The following RGL1 variants were observed in gnomAD, a reference collection of about 807,000 sequenced individuals.
The protein encoded by RGL1 is ral guanine nucleotide dissociation stimulator like 1.
Under a neutral mutation model 95.2 loss-of-function variants are expected in RGL1, and 24 were observed. The ratio of observed to expected loss-of-function variants is 0.25; its 90% confidence interval spans 0.18 to 0.35. The LOEUF (loss-of-function observed/expected upper bound fraction) is 0.35, where lower values mean the gene tolerates loss of function less well. Among genes scored for constraint, RGL1 ranks in the 10% least tolerant of loss-of-function variants. The probability of loss-of-function intolerance (pLI) is 1.00; values close to 1 mark genes in which losing one functional copy is unlikely to be tolerated. For missense variants in RGL1, 715 were observed against 936.3 expected (o/e 0.76, Z 3.08); for synonymous variants, 329 against 344.9 (o/e 0.95, Z 0.51).
chr1:183,666,794 G>T (rs1010152060), intron 1 of RGL1, among the ~76,000 whole-genome samples: 1 of 151,966 alleles, frequency 6.6e-6, no homozygotes, highest in African/African-American at 2.4e-5. Flanking sequence ...TTTGGTAAGT[G>T]TTTCCTGTTA....
intron 1 of RGL1, among the ~76,000 whole-genome samples, chr1:183,674,224 T>C (rs1031162792): frequency 1.3e-5 from 2 of 152,168 alleles, no homozygotes; most frequent in Non-Finnish European, 1.5e-5. Flanking sequence ...TAACTTTATA[T>C]GTCATTAAAA....
intron 1 of RGL1, among the ~76,000 whole-genome samples, chr1:183,653,774 A>T (rs1444576565): frequency 6.6e-6 from 1 of 152,132 alleles, no homozygotes; most frequent in South Asian, 2.1e-4. Flanking sequence ...ATTGGTATGT[A>T]TGTGGTTCCC....
At chr1:183,697,247 C>A (rs1017720601) in intron 1 of RGL1, among the ~76,000 whole-genome samples, 1 of 152,170 alleles carries the variant, frequency 6.6e-6, no homozygotes, top group African/African-American at 2.4e-5. Context: ...GATACCTTAT[C>A]AGTGAGGCCT....
intron 5 of RGL1, among the ~76,000 whole-genome samples, chr1:183,883,125 T>C (rs941484874): frequency 6.6e-6 from 1 of 152,310 alleles, no homozygotes; most frequent in African/African-American, 2.4e-5. Context: ...TCTTCTGCTT[T>C]TTATTCGGAA....
intron 3 of RGL1, among the ~76,000 whole-genome samples, chr1:183,855,285 C>G (rs1647401709): frequency 6.6e-6 from 1 of 152,170 alleles, no homozygotes; most frequent in African/African-American, 2.4e-5. Context: ...ACCTTTTCCC[C>G]CCGGGAGCTG....
chr1:183,891,864 C>T (rs1315527566), intron 8 of RGL1, among the ~76,000 whole-genome samples: 1 of 149,406 alleles, frequency 6.7e-6, no homozygotes, highest in Non-Finnish European at 1.5e-5. Flanking sequence ...AAATATACCT[C>T]TCTCCACAGG....
intron 1 of RGL1, among the ~76,000 whole-genome samples, chr1:183,738,427 AAAAG>A (rs1170359299): frequency 2.0e-5 from 3 of 152,128 alleles, no homozygotes; most frequent in South Asian, 4.1e-4. Context: ...TCTAAAAAAA[AAAAG>A]AAAGAAAAAG....
At chr1:183,661,546 T>C (rs1409566954) in intron 1 of RGL1, among the ~76,000 whole-genome samples, 1 of 152,232 alleles carries the variant, frequency 6.6e-6, no homozygotes, top group South Asian at 2.1e-4. Context: ...TAACAGGCTC[T>C]GAAATTGTGG....
At chr1:183,779,158 CCCTTCCTTCCTTCCTTCCTT>C (rs34992555) in intron 2 of RGL1, among the ~76,000 whole-genome samples, 6,066 of 91,836 alleles carry the variant, frequency 0.066, 275 homozygotes, top group Admixed American at 0.15. Context: ...TCAAAATTTT[CCCTTCCTTCCTTCCTTCCTT>C]CCTTCCTTCC....
chr1:183,885,366 A>G (rs1230032397), intron 7 of RGL1, among the ~76,000 whole-genome samples: 1 of 152,200 alleles, frequency 6.6e-6, no homozygotes, highest in African/African-American at 2.4e-5. Flanking sequence ...TGGAGGCATT[A>G]CATCTTCTGC....
intron 3 of RGL1, among the ~76,000 whole-genome samples, chr1:183,857,098 G>A (rs1444056992): frequency 6.6e-6 from 1 of 152,130 alleles, no homozygotes; most frequent in African/African-American, 2.4e-5. Flanking sequence ...TTATCTGAGT[G>A]AGCCCAGAGT....
intron 1 of RGL1, among the ~76,000 whole-genome samples, chr1:183,718,770 G>A (rs1204866381): frequency 2.0e-5 from 3 of 151,936 alleles, no homozygotes; most frequent in African/African-American, 4.8e-5. Flanking sequence ...AAAACTACCC[G>A]GGCATGGTGG....
At chr1:183,845,581 G>A (rs1664365487) in intron 2 of RGL1, among the ~76,000 whole-genome samples, 1 of 152,168 alleles carries the variant, frequency 6.6e-6, no homozygotes, top group African/African-American at 2.4e-5. Flanking sequence ...TTTCCAGAAG[G>A]CAGGGTCATA....
In RGL1 at chr1:183,916,984, A is replaced by G. The variant is rs796687209; in HGVS notation, c.2004+283A>G. 9.8e-5 allele frequency among the ~76,000 whole-genome samples: 15 copies of G among 152,346 alleles called. 1 individual carries two copies. Among genetic ancestry groups the G allele is most frequent in the African/African-American group, 3.6e-4 (15 of 41,576 alleles). Reference sequence around the variant, plus strand: ...ATGCTAAAACTTATTCGTTTAGGTCAGTATTAGCCATTTGAAAATTCTCAA... The same window carrying G: ...ATGCTAAAACTTATTCGTTTAGGTCGGTATTAGCCATTTGAAAATTCTCAA... On this transcript the variant is annotated intron_variant, in intron 16 of 17. Transcript: ENST00000360851.
At chr1:183,844,654 A>C (rs138721411) in intron 2 of RGL1, among the ~76,000 whole-genome samples, 5 of 152,344 alleles carry the variant, frequency 3.3e-5, no homozygotes, top group African/African-American at 4.8e-5. Context: ...ATTCTAAACC[A>C]TATATCTTTT....
chr1:183,907,441 C>A (rs1473184964), intron 14 of RGL1, among the ~76,000 whole-genome samples: 1 of 152,148 alleles, frequency 6.6e-6, no homozygotes, highest in Non-Finnish European at 1.5e-5. Flanking sequence ...TGTATAAAAA[C>A]CCCTATAGCT....
chr1:183,852,804 A>G (rs1664905610), intron 3 of RGL1, among the ~76,000 whole-genome samples: 1 of 147,546 alleles, frequency 6.8e-6, no homozygotes, highest in South Asian at 2.1e-4. Flanking sequence ...CTTGGTCTCA[A>G]AAAAAATCAT....
In RGL1 at chr1:183,851,639, T is replaced by A. The variant is rs181514618; in HGVS notation, c.347+3865T>A. The stretch of plus-strand genomic sequence containing the variant: ...GGTATTAGATGAAGTTCTAACATGT[T>A]CTGCAGATGAAACAGGATATAGAAG... On this transcript the variant is annotated intron_variant, in intron 3 of 17. Coordinates refer to ENST00000360851, the MANE Select transcript of RGL1 (RefSeq NM_001297671.3). Among the ~76,000 whole-genome samples the A allele has an allele frequency of 3.5e-4, 54 of 152,322 alleles. 1 individual carries two copies. The Middle Eastern group carries it at 0.017, about 48-fold the overall frequency.
intron 2 of RGL1, among the ~76,000 whole-genome samples, chr1:183,757,441 A>G (rs1347481203): frequency 6.6e-6 from 1 of 152,232 alleles, no homozygotes; most frequent in Admixed American, 6.5e-5. Context: ...TGACAGAGCT[A>G]GGGTCCTTCT....
Sources: gnomAD v4.1 joint callset for allele counts (sites outside exome capture counted in the v4.1 genomes callset) on GRCh38, gnomAD v4.1.1 for gene constraint, MANE v1.5 for transcripts, NCBI Gene and HGNC (gene_info 2026-07-23, HGNC 2026-07-21) for gene names.